The following ZNF595 variants were observed in gnomAD, a reference collection of about 807,000 sequenced individuals.
ZNF595 encodes zinc finger protein 595.
ZNF595 carries 9 observed loss-of-function variants against 19.4 expected under a neutral mutation model. That is an observed-to-expected ratio of 0.46 (90% confidence interval 0.28 to 0.81). The LOEUF is 0.81. Ranked by LOEUF, ZNF595 falls within the 30% of genes least tolerant of loss-of-function variation. The pLI, the probability that ZNF595 is intolerant of heterozygous loss-of-function variation, is 0.11. For missense variants in ZNF595, 729 were observed against 736.0 expected (o/e 0.99, Z 0.11); for synonymous variants, 255 against 255.9 (o/e 1.00, Z 0.03).
chr4:81,524 C>G (rs182896935), intron 3 of ZNF595, among the ~76,000 whole-genome samples: 2 of 152,222 alleles, frequency 1.3e-5, no homozygotes, highest in East Asian at 1.9e-4. Context: ...ACCACTGTAT[C>G]TGTTTTAGAT....
intron 3 of ZNF595, among the ~76,000 whole-genome samples, chr4:75,197 C>A (rs1259650134): frequency 6.6e-6 from 1 of 152,160 alleles, no homozygotes; most frequent in African/African-American, 2.4e-5. Flanking sequence ...TAAATCTATT[C>A]AAACATTTTG....
chr4:86,459 A>C lies in ZNF595; in HGVS notation c.955A>C (p.Lys319Gln). 6.2e-7 allele frequency: 1 copy of C among 1,614,126 alleles called. No homozygotes were observed. The highest frequency in any genetic ancestry group is 8.5e-7 in the Non-Finnish European group (1 of 1,179,992). Residue 319 changes from lysine to glutamine, a missense_variant, in exon 4 of 4, where the codon AAA (lysine) becomes CAA (glutamine). By Grantham distance (53) the Lys-to-Gln change is moderately conservative (BLOSUM62 1). Coordinates refer to ENST00000610261, the MANE Select transcript of ZNF595 (RefSeq NM_182524.4). ...EKPYKCKECG[K>Q]AFRQSRSLNE... is the part of the protein sequence containing the mutation. ...ACCCTACAAATGTAAAGAATGTGGC[A>C]AAGCCTTTAGACAGTCCAGGAGCCT...
intron 3 of ZNF595, among the ~76,000 whole-genome samples, chr4:76,676 A>G (rs1713673719): frequency 6.6e-6 from 1 of 152,162 alleles, no homozygotes; most frequent in Non-Finnish European, 1.5e-5. Flanking sequence ...ATCTCGATTC[A>G]TATTTCATTT....
At chr4:74,339 T>C (rs1204502507) in intron 3 of ZNF595, among the ~76,000 whole-genome samples, 1 of 152,186 alleles carries the variant, frequency 6.6e-6, no homozygotes, top group Non-Finnish European at 1.5e-5. Context: ...TATATGTCTT[T>C]TAGGTGTAGT....
chr4:86,133 A>G lies in ZNF595; in HGVS notation c.629A>G (p.Asn210Ser), dbSNP rs74490941. 1.2e-4 allele frequency: 201 copies of G among 1,612,016 alleles called. No individual in the cohort carries two copies. The highest frequency in any genetic ancestry group is 1.6e-4 in the Non-Finnish European group (184 of 1,179,100). Residue 210 changes from asparagine to serine, a missense_variant, in exon 4 of 4, where the codon AAT (asparagine) becomes AGT (serine). This residue lies in a region of ZNF595 where 729 missense variants were observed against 675.3 expected (regional missense o/e 1.08). Transcript: ENST00000610261. ...YKCEKCGKAF[N>S]RSTSLSKHKR... Reference sequence around the variant, plus strand: ...TGTGAAAAATGTGGCAAAGCCTTTAATAGGTCCACATCACTTAGTAAACAT... The same window carrying G: ...TGTGAAAAATGTGGCAAAGCCTTTAGTAGGTCCACATCACTTAGTAAACAT...
intron 3 of ZNF595, among the ~76,000 whole-genome samples, chr4:81,588 T>C (rs548481899): frequency 1.3e-4 from 20 of 152,352 alleles, no homozygotes; most frequent in Admixed American, 1.1e-3. Flanking sequence ...TTTTTAAATA[T>C]TCAGCTTAGT....
chr4:80,309 G>A (rs782416940), intron 3 of ZNF595, among the ~76,000 whole-genome samples: 5 of 152,304 alleles, frequency 3.3e-5, no homozygotes, highest in South Asian at 4.1e-4. Flanking sequence ...GTGCGCCACC[G>A]CGCCCTGCTT....
chr4:80,625 A>C (rs1292204770), intron 3 of ZNF595, among the ~76,000 whole-genome samples: 1 of 152,104 alleles, frequency 6.6e-6, no homozygotes, highest in Non-Finnish European at 1.5e-5. Flanking sequence ...GTAATGGAAA[A>C]TTACAGTCAA....
intron 3 of ZNF595, among the ~76,000 whole-genome samples, chr4:79,233 A>G (rs1202474506): frequency 2.6e-5 from 4 of 152,162 alleles, no homozygotes; most frequent in Admixed American, 2.6e-4. Context: ...TATTTAAGGT[A>G]ATGTTCTCAG....
chr4:79,707 A>T (rs1185936825), intron 3 of ZNF595, among the ~76,000 whole-genome samples: 3 of 133,042 alleles, frequency 2.3e-5, no homozygotes, highest in Non-Finnish European at 1.6e-5. Context: ...TTTGCTCAGG[A>T]TTACTTTGGG....
Position 86,017 on chromosome 4 carries a change from A to G in ZNF595, c.513A>G (p.Lys171=), listed in dbSNP as rs538298138. Residue 171 remains lysine (K), a synonymous_variant, in exon 4 of 4, where the codon AAA becomes AAG. Coordinates refer to ENST00000610261, the MANE Select transcript of ZNF595 (RefSeq NM_182524.4). ...ATAAGATAAGACATACTGGAGAGAA[A>G]CCCTTTAAATGTACAGAATGTGGCA... is the stretch of plus-strand genomic sequence containing the variant. ...NKHKIRHTGE[K]PFKCTECGRS... is the part of the protein sequence containing the mutation. 6.2e-7 allele frequency: 1 copy of G among 1,608,808 alleles called. No individual in the cohort carries two copies. Among genetic ancestry groups the G allele is most frequent in the African/African-American group, 1.3e-5 (1 of 74,788 alleles).
At chr4:71,770 G>A (rs1713441945) in intron 3 of ZNF595, among the ~76,000 whole-genome samples, 1 of 152,056 alleles carries the variant, frequency 6.6e-6, no homozygotes, top group Admixed American at 6.5e-5. Context: ...ACACATTGCT[G>A]GTCAGCCAAT....
Position 88,133 on chromosome 4 carries a change from A to T in ZNF595, c.*682A>T, listed in dbSNP as rs976001840. ...ACATTTCTAAGTCATGAATGCTTTTAAAAAATGTTCCATATTTATCTTTGA... is the reference window on the plus strand; with the variant it reads ...ACATTTCTAAGTCATGAATGCTTTTTAAAAATGTTCCATATTTATCTTTGA... On this transcript the variant is annotated 3_prime_UTR_variant, in exon 4 of 4. Transcript: ENST00000610261. The T allele has an allele frequency of 2.0e-5, 3 of 152,170 alleles. No homozygotes were observed. Among genetic ancestry groups the T allele is most frequent in the Admixed American group, 6.5e-5 (1 of 15,272 alleles). 9.4% of individuals were successfully genotyped at this position (152,170 alleles called of 1,614,324 possible).
chr4:79,660 A>G (rs537435675), intron 3 of ZNF595, among the ~76,000 whole-genome samples: 1 of 144,672 alleles, frequency 6.9e-6, no homozygotes, highest in African/African-American at 2.5e-5. Context: ...GTAGTGCAGT[A>G]TCTCCAGCTT....
intron 3 of ZNF595, among the ~76,000 whole-genome samples, chr4:74,041 C>T (rs1486858340): frequency 1.3e-5 from 2 of 152,098 alleles, no homozygotes; most frequent in Admixed American, 6.5e-5. Context: ...GGTGCGGTGG[C>T]TCACACCTGT....
rs1553801505 is a variant in ZNF595, at chr4:86,394, C to T, written c.890C>T (p.Thr297Ile). 3 of 1,613,312 alleles carry T rather than the reference C, an allele frequency of 1.9e-6. No homozygotes were observed. The highest frequency in any genetic ancestry group is 1.7e-6 in the Non-Finnish European group (2 of 1,179,632). ...TGTGGCAAAGCCTTTAGATGGTCCA[C>T]AAGCCTGAATGAACATAAGAATATT... is the stretch of plus-strand genomic sequence containing the variant. The part of the protein sequence containing the change: ...KECGKAFRWS[T>I]SLNEHKNIHT... The change falls in exon 4 of 4, where the codon ACA becomes ATA. Residue 297 changes from threonine (T) to isoleucine (I), a missense_variant. Physicochemically the swap from Thr to Ile is moderately conservative, Grantham distance 89 (BLOSUM62 -1). Around this residue, in one of 2 missense-constraint regions of ZNF595, gnomAD observed 729 missense variants for 675.3 expected, o/e 1.08. Coordinates refer to ENST00000610261, the MANE Select transcript of ZNF595 (RefSeq NM_182524.4).
chr4:87,264 C>T lies in ZNF595; in HGVS notation c.1760C>T (p.Thr587Ile), dbSNP rs895065097. ...STLTKHKRIH[T>I]GEKPFTCEEC... ...CTTACTAAACATAAGAGAATTCATA[C>T]TGGAGAGAAACCCTTCACATGTGAA... is the stretch of plus-strand genomic sequence containing the variant. Residue 587 changes from threonine to isoleucine, a missense_variant, in exon 4 of 4, where the codon ACT (threonine) becomes ATT (isoleucine). This residue lies in a region of ZNF595 where 729 missense variants were observed against 675.3 expected (regional missense o/e 1.08). Coordinates refer to ENST00000610261, the MANE Select transcript of ZNF595 (RefSeq NM_182524.4). 2.5e-6 allele frequency: 4 copies of T among 1,612,042 alleles called. No homozygotes were observed. The highest frequency in any genetic ancestry group is 3.4e-6 in the Non-Finnish European group (4 of 1,179,216).
Position 85,853 on chromosome 4 carries a change from T to C in ZNF595, c.349T>C (p.Cys117Arg). ...TGAGAATTTACAATTAAGAAAAGGC[T>C]GTAAACGTGTGAATGAGTGTAAGGT... The part of the protein sequence containing the change: ...GHENLQLRKG[C>R]KRVNECKVQK... The change falls in exon 4 of 4, where the codon TGT (cysteine) becomes CGT (arginine). Residue 117 changes from cysteine to arginine, a missense_variant. This residue lies in a region of ZNF595 where 729 missense variants were observed against 675.3 expected (regional missense o/e 1.08). Coordinates refer to ENST00000610261, the MANE Select transcript of ZNF595 (RefSeq NM_182524.4). 1 of 1,614,074 alleles carries C rather than the reference T, an allele frequency of 6.2e-7. No individual in the cohort carries two copies. Among genetic ancestry groups the C allele is most frequent in the South Asian group, 1.1e-5 (1 of 91,078 alleles).
intron 3 of ZNF595, among the ~76,000 whole-genome samples, chr4:81,456 T>C (rs1553799914): frequency 6.6e-6 from 1 of 152,202 alleles, no homozygotes; most frequent in East Asian, 1.9e-4. Context: ...AAATCTATGT[T>C]TTTCTATGTG....
Sources: allele counts gnomAD v4.1 joint callset (sites outside exome capture counted in the v4.1 genomes callset), GRCh38; gene constraint gnomAD v4.1.1; regional missense constraint gnomAD v4.1.1; transcripts MANE v1.5; gene names NCBI Gene and HGNC (gene_info 2026-07-23, HGNC 2026-07-21).